The following SNRPA1 variants were observed in gnomAD, a reference collection of about 807,000 sequenced individuals.
SNRPA1 encodes the protein small nuclear ribonucleoprotein polypeptide A'.
SNRPA1 carries 5 observed loss-of-function variants against 32.3 expected under a neutral mutation model. That is an observed-to-expected ratio of 0.15 (90% CI 0.08 to 0.33). The LOEUF is 0.33. Among genes scored for constraint, SNRPA1 ranks in the 10% least tolerant of loss-of-function variants. The probability of loss-of-function intolerance (pLI) is 1.00; values close to 1 mark genes in which losing one functional copy is unlikely to be tolerated. For missense variants in SNRPA1, 198 were observed against 311.1 expected (o/e 0.64, Z 2.74); for synonymous variants, 111 against 120.1 (o/e 0.92, Z 0.50).
intron 8 of SNRPA1, among the ~76,000 whole-genome samples, chr15:101,283,280 G>C (rs1298454972): frequency 6.6e-6 from 1 of 152,122 alleles, no homozygotes; most frequent in Non-Finnish European, 1.5e-5. Flanking sequence ...CAGGCGCGGT[G>C]GCTCACGCCT....
At chr15:101,287,333 C>G (rs187631326) in intron 4 of SNRPA1, among the ~76,000 whole-genome samples, 9 of 152,212 alleles carry the variant, frequency 5.9e-5, no homozygotes, top group East Asian at 5.8e-4. Context: ...TTCCCTCCCC[C>G]CTTTCCCCAC....
chr15:101,292,051 A>G lies in SNRPA1; in HGVS notation c.231-11T>C, dbSNP rs770084892. 31 of 1,586,670 alleles carry G rather than the reference A, an allele frequency of 2.0e-5. No individual in the cohort carries two copies. The highest frequency in any genetic ancestry group is 2.6e-5 in the Non-Finnish European group (30 of 1,155,518). On this transcript the variant is annotated splice_polypyrimidine_tract_variant and intron_variant, in intron 2 of 8. Coordinates refer to ENST00000254193, the MANE Select transcript of SNRPA1 (RefSeq NM_003090.4). Reference sequence around the variant, plus strand: ...CCCTCACCTATACGGCTAAAATAAAAATAGAGTCTTAGTAAAAGTGAAAAT... The same window carrying G: ...CCCTCACCTATACGGCTAAAATAAAGATAGAGTCTTAGTAAAAGTGAAAAT...
chr15:101,287,805 T>A (rs1277675475), intron 3 of SNRPA1, 103 bp from the exon 4 acceptor site: 1 of 1,019,534 alleles, frequency 9.8e-7, no homozygotes, highest in Non-Finnish European at 1.5e-6. Context: ...CATTATTTAC[T>A]GAATTTTTAC....
intron 8 of SNRPA1, among the ~76,000 whole-genome samples, chr15:101,283,906 C>T (rs111639099): frequency 1.3e-5 from 2 of 152,230 alleles, no homozygotes; most frequent in African/African-American, 4.8e-5. Context: ...CGCCACTGCA[C>T]TCCAGCCTGG....
intron 8 of SNRPA1, among the ~76,000 whole-genome samples, chr15:101,284,228 T>C (rs567329312): frequency 6.6e-6 from 1 of 152,346 alleles, no homozygotes; most frequent in East Asian, 1.9e-4. Context: ...TTTTGAGGTT[T>C]GCTACTATTG....
chr15:101,282,077 T>A (rs868593841), intron 8 of SNRPA1, among the ~76,000 whole-genome samples: 1 of 152,272 alleles, frequency 6.6e-6, no homozygotes, highest in Non-Finnish European at 1.5e-5. Flanking sequence ...CCTATACTCA[T>A]GTGCTTTTCA....
intron 8 of SNRPA1, among the ~76,000 whole-genome samples, chr15:101,284,128 G>A (rs1056095831): frequency 6.6e-6 from 1 of 152,172 alleles, no homozygotes; most frequent in African/African-American, 2.4e-5. Flanking sequence ...CATAAAGCAG[G>A]CATTCAGATG....
At chr15:101,294,994 G>A (rs2039571923) in intron 1 of SNRPA1, 103 bp downstream of exon 1, 1 of 712,340 alleles carries the variant, frequency 1.4e-6, no homozygotes, top group Non-Finnish European at 2.1e-6. Flanking sequence ...CCAGACAACC[G>A]GCCCGCGGGC....
chr15:101,294,071 T>A (rs1344005126), intron 1 of SNRPA1, among the ~76,000 whole-genome samples: 2 of 152,112 alleles, frequency 1.3e-5, no homozygotes, highest in Non-Finnish European at 2.9e-5. Flanking sequence ...ATGTCTTTAC[T>A]AAAAATACAA....
At chr15:101,292,956 C>A in intron 2 of SNRPA1, 69 bp downstream of exon 2, 1 of 1,091,908 alleles carries the variant, frequency 9.2e-7, no homozygotes, top group Non-Finnish European at 1.3e-6. Context: ...GCACGTGCTA[C>A]AACTTCTTCA....
In SNRPA1 at chr15:101,283,881, C is replaced by A. The variant is rs1239472645; in HGVS notation, c.709+1086G>T. Among the ~76,000 whole-genome samples the A allele has an allele frequency of 2.0e-5, 3 of 152,274 alleles. No individual in the cohort carries two copies. The East Asian group carries it at 5.8e-4, about 29-fold the overall frequency. ...CTTGAACCCGGGAGGCGGAGGTTGG[C>A]GTGAGCCGAGATCGCGCCACTGCAC... is the stretch of plus-strand genomic sequence containing the variant. On this transcript the variant is annotated intron_variant, in intron 8 of 8. Coordinates refer to ENST00000254193, the MANE Select transcript of SNRPA1 (RefSeq NM_003090.4).
chr15:101,290,585 T>TTG (rs2039512467), intron 3 of SNRPA1, among the ~76,000 whole-genome samples: 1 of 151,804 alleles, frequency 6.6e-6, no homozygotes, highest in Admixed American at 6.6e-5. Context: ...TTTTTTTTTT[T>TTG]TTTTGAGATG....
Position 101,281,697 on chromosome 15 carries a change from C to G in SNRPA1, c.*27G>C. 6.5e-7 allele frequency: 1 copy of G among 1,539,502 alleles called. No individual in the cohort carries two copies. Among genetic ancestry groups the G allele is most frequent in the Non-Finnish European group, 9.0e-7 (1 of 1,111,898 alleles). The stretch of plus-strand genomic sequence containing the variant: ...AAAAGCAAGACTTGTTCCAAGAGGG[C>G]CTATTATTATACATCTGCCTCACTG... On this transcript the variant is annotated 3_prime_UTR_variant, in exon 9 of 9. Coordinates refer to ENST00000254193, the MANE Select transcript of SNRPA1 (RefSeq NM_003090.4).
At chr15:101,292,663 C>G (rs934578909) in intron 2 of SNRPA1, among the ~76,000 whole-genome samples, 5 of 151,334 alleles carry the variant, frequency 3.3e-5, no homozygotes, top group African/African-American at 1.2e-4. Context: ...TACTATGACC[C>G]CTTTGATAAT....
intron 4 of SNRPA1, among the ~76,000 whole-genome samples, 159 bp downstream of exon 4, chr15:101,287,497 C>T (rs1237541161): frequency 6.6e-6 from 1 of 152,150 alleles, no homozygotes; most frequent in Non-Finnish European, 1.5e-5. Context: ...ATCCATGTCC[C>T]TACAGAGGAC....
At chr15:101,284,555 T>C (rs1408355920) in intron 8 of SNRPA1, among the ~76,000 whole-genome samples, 1 of 148,764 alleles carries the variant, frequency 6.7e-6, no homozygotes, top group South Asian at 2.1e-4. Context: ...CAGGCTGGAG[T>C]ACAAAAGTGC....
chr15:101,295,070 A>C, intron 1 of SNRPA1, 27 bp downstream of exon 1: 2 of 1,403,898 alleles, frequency 1.4e-6, no homozygotes, highest in Non-Finnish European at 1.9e-6. Context: ...CCGCCTGGGG[A>C]CTGGCCGCCC....
chr15:101,287,773 C>CT lies in SNRPA1; in HGVS notation c.310-72dup, dbSNP rs1333291647. 153 of 1,386,258 alleles carry CT rather than the reference C, an allele frequency of 1.1e-4. 1 individual carries two copies. The highest frequency in any genetic ancestry group is 1.5e-4 in the Non-Finnish European group (148 of 979,958). 85.9% of individuals were successfully genotyped at this position (1,386,258 alleles called of 1,614,324 possible). A position where few individuals can be genotyped will look rare whatever the true frequency, so the allele number is the denominator to read the frequency against. ...TTTTGAGATTCTGAAATGGAGAGTG[C>CT]TTTTGAAGCAAGTTGTCTTTTCATT... is the stretch of plus-strand genomic sequence containing the variant. On this transcript the variant is annotated intron_variant, in intron 3 of 8. Transcript: ENST00000254193.
chr15:101,282,934 A>C (rs1292986966), intron 8 of SNRPA1, among the ~76,000 whole-genome samples: 1 of 152,194 alleles, frequency 6.6e-6, no homozygotes, highest in Non-Finnish European at 1.5e-5. Flanking sequence ...CTGCCTCTCA[A>C]CTGAAACAAC....
Sources: allele counts gnomAD v4.1 joint callset (sites outside exome capture counted in the v4.1 genomes callset), GRCh38; gene constraint gnomAD v4.1.1; transcripts MANE v1.5; gene names NCBI Gene and HGNC (gene_info 2026-07-23, HGNC 2026-07-21).